The following TYW1B variants were observed in gnomAD, a reference collection of about 807,000 sequenced individuals.
TYW1B encodes S-adenosyl-L-methionine-dependent tRNA 4-demethylwyosine synthase TYW1B.
TYW1B carries 73 observed loss-of-function variants against 86.9 expected under a neutral mutation model. The ratio of observed to expected loss-of-function variants is 0.84; its 90% CI spans 0.70 to 1.02. The LOEUF is 1.02. Among genes scored for constraint, TYW1B ranks in the 50% least tolerant of loss-of-function variants. The probability of loss-of-function intolerance (pLI) is 0.00; values close to 1 mark genes in which losing one functional copy is unlikely to be tolerated. For synonymous variants in TYW1B, 248 were observed against 292.8 expected, an observed-to-expected ratio of 0.85 and a Z score of 1.56; for missense variants, 637 against 827.4, an observed-to-expected ratio of 0.77 and a Z score of 2.82.
At chr7:72,608,728 T>G (rs1203335675) in intron 13 of TYW1B, among the ~76,000 whole-genome samples, 1 of 152,188 alleles carries the variant, frequency 6.6e-6, no homozygotes. Context: ...AAAGTCGAAG[T>G]GGCTCTATTA....
chr7:72,651,000 T>C (rs1813042084), intron 11 of TYW1B, among the ~76,000 whole-genome samples: 1 of 152,090 alleles, frequency 6.6e-6, no homozygotes, highest in Admixed American at 6.6e-5. Flanking sequence ...AATATGAAAA[T>C]GTAATTAAAG....
chr7:72,771,853 T>C (rs1168780521), intron 7 of TYW1B, among the ~76,000 whole-genome samples: 2 of 151,972 alleles, frequency 1.3e-5, no homozygotes, highest in Non-Finnish European at 1.5e-5. Context: ...GAAATGATTT[T>C]TTTTTTTTTT....
chr7:72,598,065 T>G (rs1185328551), intron 13 of TYW1B, among the ~76,000 whole-genome samples: 1 of 152,242 alleles, frequency 6.6e-6, no homozygotes, highest in African/African-American at 2.4e-5. Context: ...GTATTAATCC[T>G]GGGTGTTTCT....
intron 7 of TYW1B, among the ~76,000 whole-genome samples, chr7:72,767,740 A>G (rs1481851851): frequency 2.0e-5 from 3 of 152,222 alleles, no homozygotes; most frequent in East Asian, 3.8e-4. Context: ...TGTGGCTTGC[A>G]TATTCACATT....
chr7:72,703,024 ATATTTT>A (rs1222476544), intron 10 of TYW1B, among the ~76,000 whole-genome samples: 8 of 8,136 alleles, frequency 9.8e-4, no homozygotes, highest in African/African-American at 2.7e-3. Context: ...ATATATATAT[ATATTTT>A]TTTTTTTTTT....
intron 13 of TYW1B, among the ~76,000 whole-genome samples, chr7:72,611,649 C>T (rs1176837894): frequency 2.0e-5 from 3 of 152,150 alleles, no homozygotes; most frequent in South Asian, 2.1e-4. Context: ...TTATCAGCAG[C>T]GTGAAAACGG....
At chr7:72,705,700 C>A (rs1554453529) in intron 10 of TYW1B, among the ~76,000 whole-genome samples, 1 of 152,176 alleles carries the variant, frequency 6.6e-6, no homozygotes, top group Non-Finnish European at 1.5e-5. Flanking sequence ...ACTCTGAACT[C>A]TGGCACACTC....
chr7:72,694,321 C>T (rs1585908375), intron 11 of TYW1B, among the ~76,000 whole-genome samples: 1 of 152,116 alleles, frequency 6.6e-6, no homozygotes, highest in East Asian at 1.9e-4. Flanking sequence ...CATGGGGAGT[C>T]CTACAACCAA....
chr7:72,816,046 T>C (rs1788716400), intron 2 of TYW1B, among the ~76,000 whole-genome samples: 1 of 151,388 alleles, frequency 6.6e-6, no homozygotes, highest in African/African-American at 2.4e-5. Context: ...AAATAACATA[T>C]TAAAAAACAA....
At chr7:72,705,914 A>C (rs782628894) in intron 10 of TYW1B, among the ~76,000 whole-genome samples, 3 of 152,200 alleles carry the variant, frequency 2.0e-5, no homozygotes, top group Non-Finnish European at 2.9e-5. Context: ...ATGTATAAGA[A>C]ATGACTCCAT....
intron 6 of TYW1B, among the ~76,000 whole-genome samples, chr7:72,799,918 TC>T (rs1390960372): frequency 7.2e-5 from 11 of 152,292 alleles, no homozygotes; most frequent in African/African-American, 2.2e-4. Context: ...TAATATTTTT[TC>T]ATTGCTTCTA....
chr7:72,582,961 A>G (rs146167932), intron 13 of TYW1B, among the ~76,000 whole-genome samples: 1 of 152,196 alleles, frequency 6.6e-6, no homozygotes. Flanking sequence ...AAAATCATCT[A>G]AACAAAAATC....
rs182348801 is a variant in TYW1B at position 72,608,957 on chromosome 7, C to G, written c.1785+7715G>C. 1.1e-4 allele frequency among the ~76,000 whole-genome samples: 16 copies of G among 152,310 alleles called. No homozygotes were observed. In the East Asian group the frequency reaches 2.9e-3, roughly 28 times the overall value. On this transcript the variant is annotated intron_variant, in intron 13 of 13. Coordinates refer to ENST00000620995, the MANE Select transcript of TYW1B (RefSeq NM_001145440.3). ...ACAAAACGGCACAGAACTAAACACA[C>G]ACATGTGAGTGCATTTAAAATTGGT...
At chr7:72,804,971 G>C (rs1788468150) in intron 5 of TYW1B, among the ~76,000 whole-genome samples, 3 of 152,080 alleles carry the variant, frequency 2.0e-5, no homozygotes, top group African/African-American at 7.2e-5. Flanking sequence ...TTTCCAAAAG[G>C]AACCTATTTC....
At chr7:72,577,902 G>A (rs151337933) in intron 13 of TYW1B, among the ~76,000 whole-genome samples, 276 of 152,184 alleles carry the variant, frequency 1.8e-3, no homozygotes, top group African/African-American at 6.3e-3. Context: ...CTGTTAGTTC[G>A]GTTGCAGTGA....
chr7:72,621,049 A>T (rs1402312743), intron 12 of TYW1B, among the ~76,000 whole-genome samples: 8 of 152,192 alleles, frequency 5.3e-5, no homozygotes, highest in Non-Finnish European at 1.2e-4. Context: ...TACTGTGGCT[A>T]TCTGAGCGTT....
At chr7:72,809,725 C>A (rs1788567385) in intron 4 of TYW1B, among the ~76,000 whole-genome samples, 1 of 151,938 alleles carries the variant, frequency 6.6e-6, no homozygotes, top group South Asian at 2.1e-4. Flanking sequence ...GCAGGCTGGG[C>A]ATGATGGCTC....
intron 9 of TYW1B, among the ~76,000 whole-genome samples, chr7:72,726,892 G>A (rs1195472710): frequency 1.3e-5 from 2 of 152,098 alleles, no homozygotes; most frequent in Non-Finnish European, 2.9e-5. Context: ...AAGGCAAAGG[G>A]GAAGCAAGGC....
chr7:72,737,862 C>T (rs775660372), intron 8 of TYW1B, among the ~76,000 whole-genome samples: 14 of 150,670 alleles, frequency 9.3e-5, no homozygotes, highest in Non-Finnish European at 1.3e-4. Flanking sequence ...GCAAGCTCCA[C>T]CTCCTGGGTT....
Sources: gnomAD v4.1 joint callset for allele counts (sites outside exome capture counted in the v4.1 genomes callset) on GRCh38, gnomAD v4.1.1 for gene constraint, MANE v1.5 for transcripts, NCBI Gene and HGNC (gene_info 2026-07-23, HGNC 2026-07-21) for gene names.